Variants in FKBP5 observed in about 807,000 individuals in gnomAD.
FKBP5 encodes FKBP prolyl isomerase 5.
A neutral mutation model predicts 50.5 loss-of-function variants in FKBP5; 23 were observed. The ratio of observed to expected loss-of-function variants is 0.46; its 90% CI spans 0.33 to 0.65. The LOEUF is 0.65. FKBP5 is among the 30% of genes least tolerant of loss of function. FKBP5 has a pLI of 0.02. For missense variants in FKBP5, 411 were observed against 553.1 expected (o/e 0.74, Z 2.58); for synonymous variants, 176 against 190.6 (o/e 0.92, Z 0.63).
chr6:35,683,632 A>AT (rs777451189), intron 1 of FKBP5, among the ~76,000 whole-genome samples: 13,410 of 109,334 alleles, frequency 0.12, 1,532 homozygotes, highest in East Asian at 0.32. Flanking sequence ...TGACTGGCTA[A>AT]TTTTTTTTTT....
chr6:35,706,424 C>CAAAAAA (rs71002595), intron 2 of FKBP5, among the ~76,000 whole-genome samples: 1 of 103,852 alleles, frequency 9.6e-6, no homozygotes, highest in African/African-American at 3.5e-5. Flanking sequence ...AACTCTGTCT[C>CAAAAAA]AAAAAAAAAA....
chr6:35,598,934 C>T (rs1763063456), intron 5 of FKBP5, among the ~76,000 whole-genome samples: 2 of 152,176 alleles, frequency 1.3e-5, no homozygotes, highest in African/African-American at 4.8e-5. Context: ...CGCTACTGCA[C>T]TCCAGCCTCC....
At chr6:35,597,820 C>CA (rs1348244228) in intron 5 of FKBP5, among the ~76,000 whole-genome samples, 4 of 152,072 alleles carry the variant, frequency 2.6e-5, no homozygotes, top group Non-Finnish European at 5.9e-5. Context: ...ATGCTTGGGC[C>CA]AAAAAGCCAA....
chr6:35,708,147 A>G (rs2151020946), intron 2 of FKBP5, among the ~76,000 whole-genome samples: 1 of 152,326 alleles, frequency 6.6e-6, no homozygotes. Flanking sequence ...CATATATGCC[A>G]AGGAAGTAGG....
chr6:35,633,947 G>A (rs926304618), intron 3 of FKBP5, among the ~76,000 whole-genome samples: 1 of 152,188 alleles, frequency 6.6e-6, no homozygotes, highest in Non-Finnish European at 1.5e-5. Context: ...AGGTGTGTCA[G>A]AGGTACAAAG....
At chr6:35,664,830 T>G (rs1043245516) in intron 1 of FKBP5, 4 of 154,106 alleles carry the variant, frequency 2.6e-5, no homozygotes, top group Non-Finnish European at 5.9e-5. Flanking sequence ...ATCTTTGATT[T>G]CTCTCACTTC....
chr6:35,616,314 C>CAAAAAAAAAAAAAAAAAAAAAAA (rs34779549), intron 5 of FKBP5, among the ~76,000 whole-genome samples: 1 of 57,454 alleles, frequency 1.7e-5, no homozygotes, highest in Non-Finnish European at 2.9e-5. Flanking sequence ...GACTCCATCT[C>CAAAAAAAAAAAAAAAAAAAAAAA]AAAAAAAAAA....
At position 35,662,025 on chromosome 6, in the gene FKBP5, G is replaced by T. The variant is rs1441374536; in HGVS notation, c.-19-19182C>A. Among the ~76,000 whole-genome samples, 5 of 152,096 alleles carry T rather than the reference G, an allele frequency of 3.3e-5. No homozygotes were observed. In the East Asian group the frequency reaches 9.6e-4, roughly 29 times the overall value. On this transcript the variant is annotated intron_variant, in intron 1 of 10. Transcript: ENST00000357266. Reference sequence around the variant, plus strand: ...TTCAACATTAGTAGTAGTAGATGTTGTAATTATCATTTAGTTTTTGTTACT... The same window carrying T: ...TTCAACATTAGTAGTAGTAGATGTTTTAATTATCATTTAGTTTTTGTTACT...
rs569069682 is a variant in FKBP5 at position 35,604,821 on chromosome 6, C to T, written c.509-7417G>A. ...TCTTTTTTTTTTTGAGATGGAGTCT[C>T]GCTCTGTTGCCCAGGCTGGAGTGCA... is the stretch of plus-strand genomic sequence containing the variant. On this transcript the variant is annotated intron_variant, in intron 5 of 10. Coordinates refer to ENST00000357266, the MANE Select transcript of FKBP5 (RefSeq NM_004117.4). Among the ~76,000 whole-genome samples the T allele has an allele frequency of 3.3e-4, 50 of 151,418 alleles. 1 individual carries two copies. The highest frequency in any genetic ancestry group is 2.9e-3 in the Admixed American group (44 of 15,202).
In FKBP5 at chr6:35,575,439, A is replaced by G. The variant is rs1421090872; in HGVS notation, c.*396T>C. 6.0e-6 allele frequency: 1 copy of G among 167,154 alleles called. No individual in the cohort carries two copies. The highest frequency in any genetic ancestry group is 1.3e-5 in the Non-Finnish European group (1 of 77,566). 10.4% of individuals were successfully genotyped at this position (167,154 alleles called of 1,614,324 possible). ...ACTGTAGGAAAGGAGAAATTCATGA[A>G]GCATTTTTTTTTTAAAGGTTTCTGC... On this transcript the variant is annotated 3_prime_UTR_variant, in exon 11 of 11. Coordinates refer to ENST00000357266, the MANE Select transcript of FKBP5 (RefSeq NM_004117.4).
intron 1 of FKBP5, among the ~76,000 whole-genome samples, chr6:35,654,963 G>A (rs1037052838): frequency 6.6e-6 from 1 of 152,000 alleles, no homozygotes; most frequent in African/African-American, 2.4e-5. Context: ...GAGGTGGGAG[G>A]GTCGCTTGAG....
chr6:35,639,157 G>A (rs533165660), intron 2 of FKBP5, among the ~76,000 whole-genome samples: 3 of 152,032 alleles, frequency 2.0e-5, no homozygotes, highest in African/African-American at 7.2e-5. Context: ...TTAAAAATAC[G>A]TAATAGTTAA....
chr6:35,602,915 T>A (rs935210693), intron 5 of FKBP5, among the ~76,000 whole-genome samples: 1 of 152,070 alleles, frequency 6.6e-6, no homozygotes, highest in African/African-American at 2.4e-5. Context: ...AGCAACAAAT[T>A]CTCCATGAAC....
intron 8 of FKBP5, chr6:35,584,438 A>G (rs137902449): frequency 1.0e-6 from 1 of 985,480 alleles, no homozygotes; most frequent in East Asian, 1.1e-4. Context: ...AGTTCAGCCC[A>G]TCTCTGCTCT....
intron 7 of FKBP5, among the ~76,000 whole-genome samples, chr6:35,587,960 A>G (rs1762657353): frequency 6.6e-6 from 1 of 152,096 alleles, no homozygotes; most frequent in Non-Finnish European, 1.5e-5. Flanking sequence ...TCTCTATTCA[A>G]AAGATAACGA....
At chr6:35,583,771 TAAAGG>T (rs979855597) in intron 8 of FKBP5, 1 of 985,256 alleles carries the variant, frequency 1.0e-6, no homozygotes, top group African/African-American at 1.7e-5. Context: ...AATTCTGCAC[TAAAGG>T]AAAGAGATGA....
intron 1 of FKBP5, among the ~76,000 whole-genome samples, chr6:35,687,471 T>A (rs1765859725): frequency 6.6e-6 from 1 of 152,140 alleles, no homozygotes; most frequent in Non-Finnish European, 1.5e-5. Flanking sequence ...CTTTAGAGAA[T>A]TACTTTATAA....
At chr6:35,674,324 A>C (rs1765472324) in intron 1 of FKBP5, among the ~76,000 whole-genome samples, 1 of 152,208 alleles carries the variant, frequency 6.6e-6, no homozygotes. Flanking sequence ...GGAAGGTAGA[A>C]ATGCTGGAGA....
intron 5 of FKBP5, among the ~76,000 whole-genome samples, chr6:35,612,391 CAGAAAA>C (rs1349760211): frequency 6.6e-6 from 1 of 151,596 alleles, no homozygotes; most frequent in Non-Finnish European, 1.5e-5. Flanking sequence ...GCTTGGGCAA[CAGAAAA>C]AGAAAAAGAG....
Sources: allele counts gnomAD v4.1 joint callset (sites outside exome capture counted in the v4.1 genomes callset), GRCh38; gene constraint gnomAD v4.1.1; transcripts MANE v1.5; gene names NCBI Gene and HGNC (gene_info 2026-07-23, HGNC 2026-07-21).